The following CEP350 variants were observed in gnomAD, a reference collection of about 807,000 sequenced individuals.
CEP350 encodes the protein centrosome-associated protein 350.
CEP350 carries 126 observed loss-of-function variants against 331.8 expected under a neutral mutation model. The ratio of observed to expected loss-of-function variants is 0.38; its 90% CI spans 0.33 to 0.44. CEP350 has a LOEUF of 0.44. Among genes scored for constraint, CEP350 ranks in the 20% least tolerant of loss-of-function variants. CEP350 has a pLI of 1.00. For missense variants in CEP350, 3,406 were observed against 3,634.6 expected (o/e 0.94, Z 1.62); for synonymous variants, 1,200 against 1,259.5 (o/e 0.95, Z 1.00).
chr1:179,962,735 A>T (rs1013016062), intron 1 of CEP350, among the ~76,000 whole-genome samples: 2 of 152,174 alleles, frequency 1.3e-5, no homozygotes, highest in African/African-American at 4.8e-5. Flanking sequence ...ATAGGTACTT[A>T]GTTTGATTCA....
intron 7 of CEP350, 43 bp from the exon 8 acceptor site, chr1:180,006,411 G>T: frequency 1.0e-6 from 1 of 989,446 alleles, no homozygotes. Flanking sequence ...GTGAGGGAAT[G>T]AAAATCATTG....
At chr1:180,005,918 A>T (rs1424689852) in intron 7 of CEP350, among the ~76,000 whole-genome samples, 3 of 152,192 alleles carry the variant, frequency 2.0e-5, no homozygotes, top group Admixed American at 6.5e-5. Flanking sequence ...ATTGAAGTTA[A>T]TTTTTTAAGC....
intron 27 of CEP350, among the ~76,000 whole-genome samples, chr1:180,067,270 C>T (rs1345006987): frequency 2.0e-5 from 3 of 152,036 alleles, no homozygotes; most frequent in Admixed American, 6.6e-5. Context: ...AGAGATTTGT[C>T]AAGGAGAATA....
intron 36 of CEP350, among the ~76,000 whole-genome samples, chr1:180,096,989 C>T (rs1660515062): frequency 6.6e-6 from 1 of 152,224 alleles, no homozygotes; most frequent in African/African-American, 2.4e-5. Flanking sequence ...GCTGGTCCTG[C>T]TGGTCCTGCT....
At chr1:179,976,270 GT>G (rs2148622372) in intron 1 of CEP350, among the ~76,000 whole-genome samples, 1 of 151,930 alleles carries the variant, frequency 6.6e-6, no homozygotes, top group Non-Finnish European at 1.5e-5. Context: ...CCAATTTTTG[GT>G]TTAAAAAACA....
chr1:180,013,335 C>T (rs1654775459), intron 9 of CEP350, among the ~76,000 whole-genome samples: 1 of 152,100 alleles, frequency 6.6e-6, no homozygotes, highest in Non-Finnish European at 1.5e-5. Flanking sequence ...TTCAGAAAAA[C>T]TAATATTTTC....
chr1:180,015,075 C>T (rs1257463464), intron 10 of CEP350, among the ~76,000 whole-genome samples: 1 of 151,962 alleles, frequency 6.6e-6, no homozygotes, highest in Non-Finnish European at 1.5e-5. Context: ...TCTTTATCCT[C>T]GTCATCTTCA....
chr1:179,998,472 A>G (rs1423558063), intron 6 of CEP350, among the ~76,000 whole-genome samples: 2 of 151,066 alleles, frequency 1.3e-5, no homozygotes, highest in Admixed American at 1.3e-4. Context: ...TGCCCAGCTA[A>G]TTTTTGTATT....
At chr1:180,104,509 G>A (rs927842047) in intron 37 of CEP350, among the ~76,000 whole-genome samples, 5 of 152,102 alleles carry the variant, frequency 3.3e-5, no homozygotes, top group African/African-American at 1.2e-4. Flanking sequence ...CTCTCATGGG[G>A]ATTCTTTTAT....
intron 1 of CEP350, among the ~76,000 whole-genome samples, chr1:179,979,457 G>A (rs73032352): frequency 0.15 from 22,560 of 150,036 alleles, 1,867 homozygotes; most frequent in African/African-American, 0.2. Context: ...TCCCTGTCAG[G>A]TGAGTAGTTT....
At chr1:180,047,837 G>A (rs373274217) in intron 21 of CEP350, among the ~76,000 whole-genome samples, 4 of 148,338 alleles carry the variant, frequency 2.7e-5, no homozygotes, top group South Asian at 2.1e-4. Context: ...AAAATTTAAA[G>A]CAAATGAAAG....
chr1:180,077,503 G>C (rs1659299033), intron 28 of CEP350, among the ~76,000 whole-genome samples: 1 of 151,478 alleles, frequency 6.6e-6, no homozygotes, highest in African/African-American at 2.4e-5. Flanking sequence ...ACCAAACACT[G>C]CCTCTACAGA....
chr1:179,964,532 T>C (rs1001661349), intron 1 of CEP350, among the ~76,000 whole-genome samples: 1 of 152,100 alleles, frequency 6.6e-6, no homozygotes, highest in Non-Finnish European at 1.5e-5. Context: ...TTTGTAGATT[T>C]GTTTTTATAA....
intron 6 of CEP350, among the ~76,000 whole-genome samples, chr1:179,999,473 G>A (rs1306904141): frequency 2.6e-5 from 4 of 151,734 alleles, no homozygotes; most frequent in African/African-American, 9.7e-5. Flanking sequence ...CCTAAGCAGT[G>A]GATTTTTTTT....
intron 7 of CEP350, 113 bp downstream of exon 7, chr1:180,003,400 C>T: frequency 1.4e-6 from 1 of 708,962 alleles, no homozygotes; most frequent in Middle Eastern, 2.7e-4. Context: ...TCTCTAACTG[C>T]ATGGCATGCT....
intron 30 of CEP350, among the ~76,000 whole-genome samples, chr1:180,083,385 T>G (rs1454288389): frequency 6.6e-6 from 1 of 152,200 alleles, no homozygotes. Context: ...TGAGTAGACG[T>G]CTTGTGTATG....
At chr1:179,966,230 A>G (rs1408761783) in intron 1 of CEP350, among the ~76,000 whole-genome samples, 4 of 152,202 alleles carry the variant, frequency 2.6e-5, no homozygotes, top group Non-Finnish European at 5.9e-5. Context: ...CTTTTTATAA[A>G]AAGCAATAAA....
chr1:180,023,249 G>A lies in CEP350; in HGVS notation c.3386+401G>A, dbSNP rs530961558. The stretch of plus-strand genomic sequence containing the variant: ...ATTGCACCACTGCACTCCAGCCTGG[G>A]TGACAAAGCTGACCCTATCTCAAAA... On this transcript the variant is annotated intron_variant, in intron 13 of 37. Coordinates refer to ENST00000367607, the MANE Select transcript of CEP350 (RefSeq NM_014810.5). Among the ~76,000 whole-genome samples the A allele has an allele frequency of 2.0e-5, 3 of 151,986 alleles. No individual in the cohort carries two copies. The South Asian group carries it at 6.2e-4, about 32-fold the overall frequency.
At chr1:180,038,663 T>G (rs1346446073) in intron 17 of CEP350, among the ~76,000 whole-genome samples, 1 of 152,230 alleles carries the variant, frequency 6.6e-6, no homozygotes, top group Non-Finnish European at 1.5e-5. Flanking sequence ...GTGTATTTAT[T>G]GAGCATTCTT....
Sources: gnomAD v4.1 joint callset for allele counts (sites outside exome capture counted in the v4.1 genomes callset) on GRCh38, gnomAD v4.1.1 for gene constraint, MANE v1.5 for transcripts, NCBI Gene and HGNC (gene_info 2026-07-23, HGNC 2026-07-21) for gene names.